The following SEC24A variants were observed in gnomAD, a reference collection of about 807,000 sequenced individuals.
SEC24A encodes the protein SEC24 homolog A, COPII component, also known as protein transport protein Sec24A.
SEC24A carries 93 observed loss-of-function variants against 129.4 expected under a neutral mutation model. That is an observed-to-expected ratio of 0.72 (90% CI 0.61 to 0.85). The LOEUF is 0.85. SEC24A is among the 40% of genes least tolerant of loss of function. The pLI, the probability that SEC24A is intolerant of heterozygous loss-of-function variation, is 0.00. For missense variants in SEC24A, 1,264 were observed against 1,307.4 expected (o/e 0.97, Z 0.51); for synonymous variants, 460 against 467.3 (o/e 0.98, Z 0.20).
At chr5:134,661,045 A>T in intron 1 of SEC24A, 74 bp from the exon 2 acceptor site, 1 of 1,050,796 alleles carries the variant, frequency 9.5e-7, no homozygotes, top group Middle Eastern at 2.2e-4. Flanking sequence ...CTGTAAGAAT[A>T]TATGTTTTAC....
chr5:134,697,123 T>C lies in SEC24A; in HGVS notation c.1987-3T>C. On this transcript the variant is annotated splice_region_variant and splice_polypyrimidine_tract_variant and intron_variant, in intron 13 of 22. Transcript: ENST00000398844. ...ATGTCTCTTTATAATTTATTATAAA[T>C]AGGATATACACATGACACCATCCAC... is the stretch of plus-strand genomic sequence containing the variant. 1 of 1,439,592 alleles carries C rather than the reference T, an allele frequency of 6.9e-7. No homozygotes were observed. Among genetic ancestry groups the C allele is most frequent in the Non-Finnish European group, 9.5e-7 (1 of 1,048,710 alleles). 89.2% of individuals were successfully genotyped at this position (1,439,592 alleles called of 1,614,324 possible).
intron 1 of SEC24A, among the ~76,000 whole-genome samples, chr5:134,659,001 C>T (rs1160248891): frequency 1.3e-5 from 2 of 151,936 alleles, no homozygotes; most frequent in Non-Finnish European, 2.9e-5. Flanking sequence ...ATTTTTATGC[C>T]ATAGTAGCGT....
chr5:134,655,536 C>T (rs1385194329), intron 1 of SEC24A, among the ~76,000 whole-genome samples: 1 of 151,284 alleles, frequency 6.6e-6, no homozygotes, highest in Non-Finnish European at 1.5e-5. Context: ...GTAATCCCAG[C>T]TACTCAGGAG....
chr5:134,662,463 A>G (rs1293931257), intron 2 of SEC24A, among the ~76,000 whole-genome samples: 1 of 152,162 alleles, frequency 6.6e-6, no homozygotes, highest in African/African-American at 2.4e-5. Context: ...AAAAGCATTT[A>G]AAATTCTGTA....
intron 18 of SEC24A, among the ~76,000 whole-genome samples, chr5:134,713,093 G>A (rs1394165905): frequency 1.3e-5 from 2 of 150,674 alleles, no homozygotes; most frequent in Non-Finnish European, 3.0e-5. Flanking sequence ...CACAATGCCC[G>A]GCTAATTTTT....
chr5:134,690,275 C>T (rs138710504), intron 11 of SEC24A, among the ~76,000 whole-genome samples: 1,924 of 152,288 alleles, frequency 0.013, 49 homozygotes, highest in African/African-American at 0.044. Context: ...CCGCCTCTGC[C>T]TCCCAAAGTG....
Position 134,682,437 on chromosome 5 carries a change from A to G in SEC24A, c.1446A>G (p.Glu482=). The part of the protein sequence containing the change: ...RVYGEPHRRP[E]VQNATIEFMA... ...ATGGAGAACCTCACAGAAGACCAGA[A>G]GTTCAAAATGCTACTATTGAGTTTA... Residue 482 remains glutamate, a synonymous_variant, in exon 9 of 23, where the codon GAA becomes GAG. Coordinates refer to ENST00000398844, the MANE Select transcript of SEC24A (RefSeq NM_021982.3). 1 of 1,610,050 alleles carries G rather than the reference A, an allele frequency of 6.2e-7. No homozygotes were observed. Among genetic ancestry groups the G allele is most frequent in the Non-Finnish European group, 8.5e-7 (1 of 1,176,366 alleles).
intron 3 of SEC24A, among the ~76,000 whole-genome samples, chr5:134,667,676 A>C (rs893725074): frequency 1.3e-5 from 2 of 151,582 alleles, no homozygotes; most frequent in South Asian, 2.1e-4. Context: ...AAACAAAAAA[A>C]AAAAAACAAG....
At chr5:134,694,516 G>A (rs1272995263) in intron 13 of SEC24A, among the ~76,000 whole-genome samples, 5 of 151,994 alleles carry the variant, frequency 3.3e-5, no homozygotes, top group African/African-American at 9.7e-5. Flanking sequence ...GTGTGGTGGC[G>A]GGCGCTGTAA....
intron 21 of SEC24A, among the ~76,000 whole-genome samples, chr5:134,722,240 C>T (rs905417489): frequency 2.6e-5 from 4 of 152,128 alleles, no homozygotes; most frequent in Non-Finnish European, 5.9e-5. Flanking sequence ...CCTGTAATCT[C>T]AGCGCTTTGG....
intron 2 of SEC24A, among the ~76,000 whole-genome samples, chr5:134,664,329 C>A (rs943559806): frequency 2.2e-4 from 33 of 151,516 alleles, no homozygotes; most frequent in Admixed American, 6.6e-4. Context: ...GTTTTTAGTT[C>A]ATATATTAAA....
chr5:134,698,965 G>A (rs751469291), intron 15 of SEC24A, among the ~76,000 whole-genome samples: 4 of 151,912 alleles, frequency 2.6e-5, no homozygotes, highest in Admixed American at 2.0e-4. Context: ...TCATTCTGTC[G>A]CCCAGGCTGG....
At chr5:134,702,580 A>G (rs1376509658) in intron 15 of SEC24A, among the ~76,000 whole-genome samples, 4 of 152,154 alleles carry the variant, frequency 2.6e-5, no homozygotes, top group Non-Finnish European at 4.4e-5. Context: ...GTACATCTCC[A>G]TGGAAAATGT....
At chr5:134,711,050 C>T (rs1434407901) in intron 18 of SEC24A, among the ~76,000 whole-genome samples, 2 of 152,060 alleles carry the variant, frequency 1.3e-5, no homozygotes, top group African/African-American at 2.4e-5. Flanking sequence ...GCAGGAGAAT[C>T]GCCTGAACCC....
chr5:134,682,341 T>G (rs939056446), intron 8 of SEC24A, 32 bp from the exon 9 acceptor site: 1 of 1,158,940 alleles, frequency 8.6e-7, no homozygotes, highest in African/African-American at 1.6e-5. Context: ...CTTTTCAGTT[T>G]TTTCAATATG....
intron 1 of SEC24A, among the ~76,000 whole-genome samples, chr5:134,660,876 C>T (rs566050002): frequency 1.3e-5 from 2 of 152,192 alleles, no homozygotes; most frequent in South Asian, 2.1e-4. Flanking sequence ...TTTTGATTTA[C>T]ATTTCTGTTA....
chr5:134,653,412 GCTAA>G (rs1750131806), intron 1 of SEC24A, among the ~76,000 whole-genome samples: 2 of 152,030 alleles, frequency 1.3e-5, no homozygotes, highest in South Asian at 4.2e-4. Flanking sequence ...CTGAAACCTG[GCTAA>G]CTAAACAGTT....
intron 4 of SEC24A, among the ~76,000 whole-genome samples, chr5:134,672,935 T>C (rs1750920705): frequency 6.6e-6 from 1 of 151,538 alleles, no homozygotes; most frequent in South Asian, 2.1e-4. Flanking sequence ...GGGGGGTGGG[T>C]CTCAATATAT....
intron 2 of SEC24A, among the ~76,000 whole-genome samples, chr5:134,665,458 A>G (rs1024862300): frequency 5.4e-4 from 73 of 134,938 alleles, no homozygotes; most frequent in African/African-American, 1.6e-3. Context: ...TTCGTCTCAG[A>G]AAAAAAAAAA....
Sources: gnomAD v4.1 joint callset for allele counts (sites outside exome capture counted in the v4.1 genomes callset) on GRCh38, gnomAD v4.1.1 for gene constraint, MANE v1.5 for transcripts, NCBI Gene and HGNC (gene_info 2026-07-23, HGNC 2026-07-21) for gene names.